Variants in USP6NL observed in about 807,000 individuals in gnomAD.
USP6NL encodes the protein USP6 N-terminal like, also known as USP6 N-terminal-like protein.
In USP6NL, 26 loss-of-function variants were observed where a neutral mutation model predicts 61.9. That is an observed-to-expected ratio of 0.42 (90% CI 0.31 to 0.58). The LOEUF (loss-of-function observed/expected upper bound fraction) is 0.58, where lower values mean the gene tolerates loss of function less well. Among genes scored for constraint, USP6NL ranks in the 20% least tolerant of loss-of-function variants. USP6NL has a pLI of 0.16. For missense variants in USP6NL, 1,114 were observed against 1,034.3 expected (o/e 1.08, Z -1.06); for synonymous variants, 432 against 390.1 (o/e 1.11, Z -1.27).
chr10:11,582,069 A>T (rs891347175), intron 2 of USP6NL, among the ~76,000 whole-genome samples: 3 of 151,876 alleles, frequency 2.0e-5, no homozygotes, highest in African/African-American at 7.3e-5. Flanking sequence ...GCTTCAAGCG[A>T]TTCTCCTGCC....
chr10:11,472,692 A>G (rs1263377564), intron 14 of USP6NL, among the ~76,000 whole-genome samples: 2 of 152,240 alleles, frequency 1.3e-5, no homozygotes, highest in Non-Finnish European at 2.9e-5. Flanking sequence ...ATATTAGCCA[A>G]AATATACAAT....
rs1838201788 is a variant in USP6NL at position 11,592,987 on chromosome 10, C to T, written c.4+4644G>A. 6.6e-6 allele frequency among the ~76,000 whole-genome samples: 1 copy of T among 152,198 alleles called. No homozygotes were observed. The highest frequency in any genetic ancestry group is 1.5e-5 in the Non-Finnish European group (1 of 68,030). On this transcript the variant is annotated intron_variant, in intron 2 of 14. Transcript: ENST00000609104. The surrounding 1 kb of genome is among the most constrained non-coding windows in gnomAD (Gnocchi z 4.7). ...CACAAATACACTACACCCCAAATTACTCACTGCCATTATTCTTCCTCAGGT... is the reference window on the plus strand; with the variant it reads ...CACAAATACACTACACCCCAAATTATTCACTGCCATTATTCTTCCTCAGGT...
intron 13 of USP6NL, among the ~76,000 whole-genome samples, chr10:11,484,230 T>C (rs1833363343): frequency 6.6e-6 from 1 of 152,176 alleles, no homozygotes; most frequent in Non-Finnish European, 1.5e-5. Context: ...CTTTTCTGCA[T>C]AGCTACAAGA....
At chr10:11,586,734 G>T (rs544514628) in intron 2 of USP6NL, among the ~76,000 whole-genome samples, 3 of 152,162 alleles carry the variant, frequency 2.0e-5, no homozygotes, top group African/African-American at 7.2e-5. Context: ...GAAGAAAATC[G>T]ATTAGTTTAA....
chr10:11,515,772 T>C (rs1204121422), intron 5 of USP6NL, among the ~76,000 whole-genome samples: 2 of 152,162 alleles, frequency 1.3e-5, no homozygotes, highest in Admixed American at 6.5e-5. Flanking sequence ...ACAAAGTTGA[T>C]GGGAGTCAGG....
chr10:11,541,230 C>CATATATATATATATATATAT (rs71378797), intron 2 of USP6NL, among the ~76,000 whole-genome samples: 1 of 43,204 alleles, frequency 2.3e-5, no homozygotes, highest in Non-Finnish European at 4.5e-5. Context: ...TCAATAGTGC[C>CATATATATATATATATATAT]ATATATATAT....
At position 11,481,669 on chromosome 10, in the gene USP6NL, T is replaced by C. The variant is rs1014595491; in HGVS notation, c.1078+101A>G. The C allele has an allele frequency of 1.6e-6, 2 of 1,280,886 alleles. No individual in the cohort carries two copies. Among genetic ancestry groups the C allele is most frequent in the African/African-American group, 3.0e-5 (2 of 66,800 alleles). 79.3% of individuals were successfully genotyped at this position (1,280,886 alleles called of 1,614,324 possible). A position where few individuals can be genotyped will look rare whatever the true frequency, so the allele number is the denominator to read the frequency against. On this transcript the variant is annotated intron_variant, in intron 14 of 14. Transcript: ENST00000609104. The surrounding 1 kb of genome is among the most constrained non-coding windows in gnomAD (Gnocchi z 4.4). ...TTCATCCACATTATGTCATCACAAGTATAATGCTTACGCTGTGGGCAAGAA... is the reference window on the plus strand; with the variant it reads ...TTCATCCACATTATGTCATCACAAGCATAATGCTTACGCTGTGGGCAAGAA...
At chr10:11,606,860 G>A (rs1323027093) in intron 1 of USP6NL, among the ~76,000 whole-genome samples, 4 of 149,426 alleles carry the variant, frequency 2.7e-5, no homozygotes, top group Non-Finnish European at 5.9e-5. Context: ...GTGTGATCTC[G>A]GCTCAGTGCA....
At chr10:11,580,146 C>T (rs1409883941) in intron 2 of USP6NL, among the ~76,000 whole-genome samples, 1 of 152,182 alleles carries the variant, frequency 6.6e-6, no homozygotes, top group Non-Finnish European at 1.5e-5. Context: ...CTGCCCCAGA[C>T]CATGTCCCTC....
At chr10:11,549,790 CTCT>C (rs2133483803) in intron 2 of USP6NL, among the ~76,000 whole-genome samples, 1 of 152,304 alleles carries the variant, frequency 6.6e-6, no homozygotes, top group Non-Finnish European at 1.5e-5. Flanking sequence ...AAGTTACCAT[CTCT>C]TCTACTTTAC....
At chr10:11,469,097 A>T (rs1042604254) in intron 14 of USP6NL, among the ~76,000 whole-genome samples, 1 of 152,244 alleles carries the variant, frequency 6.6e-6, no homozygotes, top group Admixed American at 6.5e-5. Flanking sequence ...GGAAAAGTTT[A>T]ACACGTTCCA....
Position 11,489,026 on chromosome 10 carries a change from C to G in USP6NL, c.664+76G>C. The G allele has an allele frequency of 6.4e-7, 1 of 1,571,692 alleles. No individual in the cohort carries two copies. Among genetic ancestry groups the G allele is most frequent in the African/African-American group, 1.4e-5 (1 of 73,972 alleles). ...TTAAATTTGCTGTATGTAACTCTTG[C>G]AAGCATCTTTGGTTTTGTTTTAATC... On this transcript the variant is annotated intron_variant, in intron 10 of 14. Coordinates refer to ENST00000609104, the MANE Select transcript of USP6NL (RefSeq NM_014688.5). The surrounding 1 kb of genome is among the most constrained non-coding windows in gnomAD (Gnocchi z 5.7).
chr10:11,589,364 T>C lies in USP6NL; in HGVS notation c.4+8267A>G, dbSNP rs1410099869. ...CAAAAGTAAACAGTTTGCAATGCTC[T>C]TCCAACACTGGTAATAGCTGGTTCC... On this transcript the variant is annotated intron_variant, in intron 2 of 14. Coordinates refer to ENST00000609104, the MANE Select transcript of USP6NL (RefSeq NM_014688.5). This position sits in a 1 kb window ranked among gnomAD's most constrained non-coding sequence, Gnocchi z 4.7. 6.6e-6 allele frequency among the ~76,000 whole-genome samples: 1 copy of C among 152,200 alleles called. No homozygotes were observed. Among genetic ancestry groups the C allele is most frequent in the African/African-American group, 2.4e-5 (1 of 41,444 alleles).
chr10:11,573,723 C>A, intron 2 of USP6NL: 1 of 398,694 alleles, frequency 2.5e-6, no homozygotes, highest in South Asian at 1.3e-4. Context: ...CTCTAGAAAT[C>A]CAACAGGTTT....
At chr10:11,515,944 C>G (rs1340562185) in intron 5 of USP6NL, among the ~76,000 whole-genome samples, 1 of 152,044 alleles carries the variant, frequency 6.6e-6, no homozygotes, top group East Asian at 1.9e-4. Flanking sequence ...TAAATAGGTT[C>G]CAATATCCTA....
Position 11,462,856 on chromosome 10 carries a change from AG to A in USP6NL, c.2071del (p.Val692TyrfsTer7). On this transcript the variant is annotated frameshift_variant, in exon 15 of 15. Transcript: ENST00000609104. LOFTEE classifies it low-confidence loss of function (END_TRUNC). The stretch of plus-strand genomic sequence containing the variant: ...TTCTATTCGACTAGACGGCAGTACA[AG>A]GGGGCTTGGGCGGCTGTAAGATTTC... ...PEKSYSRPSP[L>X]VLPSSRIEVL... is the part of the protein sequence containing the mutation. 1 of 1,613,964 alleles carries A rather than the reference AG, an allele frequency of 6.2e-7. No individual in the cohort carries two copies. Among genetic ancestry groups the A allele is most frequent in the South Asian group, 1.1e-5 (1 of 91,086 alleles).
intron 6 of USP6NL, among the ~76,000 whole-genome samples, chr10:11,502,598 A>C (rs1016353086): frequency 1.3e-5 from 2 of 152,248 alleles, no homozygotes; most frequent in Non-Finnish European, 2.9e-5. Context: ...TAATTGAAAT[A>C]TTGAAGAGCT....
At chr10:11,473,000 A>C (rs1832819974) in intron 14 of USP6NL, among the ~76,000 whole-genome samples, 1 of 152,214 alleles carries the variant, frequency 6.6e-6, no homozygotes, top group South Asian at 2.1e-4. Flanking sequence ...AAAATGGTTA[A>C]ATGTAACATC....
Position 11,489,323 on chromosome 10 carries a change from C to T in USP6NL, c.544-101G>A, listed in dbSNP as rs990479155. The T allele has an allele frequency of 1.9e-4, 282 of 1,457,510 alleles. No homozygotes were observed. The highest frequency in any genetic ancestry group is 4.0e-5 in the Admixed American group (2 of 50,590). The allele number at this position is 1,457,510 out of a possible 1,614,324, so 90.3% of individuals were successfully genotyped here. A position where few individuals can be genotyped will look rare whatever the true frequency, so the allele number is the denominator to read the frequency against. ...CTATAAAAACCAGAAAATGCCTACACACATCATTTAATGGTCCATTCTAGA... is the reference window on the plus strand; with the variant it reads ...CTATAAAAACCAGAAAATGCCTACATACATCATTTAATGGTCCATTCTAGA... On this transcript the variant is annotated intron_variant, in intron 9 of 14. Transcript: ENST00000609104. The surrounding 1 kb of genome is among the most constrained non-coding windows in gnomAD (Gnocchi z 5.7).
Sources: gnomAD v4.1 joint callset for allele counts (sites outside exome capture counted in the v4.1 genomes callset) on GRCh38, gnomAD v4.1.1 for gene constraint, Gnocchi (gnomAD v3.1) non-coding constraint, MANE v1.5 for transcripts, NCBI Gene and HGNC (gene_info 2026-07-23, HGNC 2026-07-21) for gene names.